INTU: variants seen among roughly 807,000 people sequenced by gnomAD.
The protein encoded by INTU is inturned planar cell polarity protein, also known as protein inturned.
INTU carries 68 observed loss-of-function variants against 100.5 expected under a neutral mutation model. That is an observed-to-expected ratio of 0.68 (90% CI 0.56 to 0.83). The LOEUF (loss-of-function observed/expected upper bound fraction) is 0.83. Ranked by LOEUF, INTU falls within the 40% of genes least tolerant of loss-of-function variation. The probability of loss-of-function intolerance (pLI) is 0.00; values close to 1 mark genes in which losing one functional copy is unlikely to be tolerated. For synonymous variants in INTU, 357 were observed against 395.7 expected (o/e 0.90, Z 1.16); for missense variants, 1,071 against 1,114.7 (o/e 0.96, Z 0.56).
At chr4:127,668,693 A>G (rs1728797429) in intron 4 of INTU, among the ~76,000 whole-genome samples, 1 of 151,784 alleles carries the variant, frequency 6.6e-6, no homozygotes, top group Non-Finnish European at 1.5e-5. Flanking sequence ...GTATTAACAA[A>G]CTATAATAAA....
intron 6 of INTU, among the ~76,000 whole-genome samples, chr4:127,680,238 TC>T (rs1729462689): frequency 6.6e-6 from 1 of 151,990 alleles, no homozygotes; most frequent in Non-Finnish European, 1.5e-5. Context: ...GAGGGAATCC[TC>T]CCTAACTCAT....
At chr4:127,662,522 C>A (rs911232955) in intron 3 of INTU, among the ~76,000 whole-genome samples, 1 of 152,078 alleles carries the variant, frequency 6.6e-6, no homozygotes, top group Non-Finnish European at 1.5e-5. Flanking sequence ...AACGAGTTAT[C>A]TTTGACCAAT....
At chr4:127,704,748 A>G (rs976513672) in intron 10 of INTU, among the ~76,000 whole-genome samples, 1 of 152,192 alleles carries the variant, frequency 6.6e-6, no homozygotes, top group Admixed American at 6.5e-5. Flanking sequence ...AGAGAAGACT[A>G]ATATTTTTCT....
In INTU at chr4:127,716,313, T is replaced by G; in HGVS notation, c.2718-12T>G. 7.4e-7 allele frequency: 1 copy of G among 1,350,246 alleles called. No individual in the cohort carries two copies. The highest frequency in any genetic ancestry group is 1.4e-5 in the South Asian group (1 of 72,522). 83.6% of individuals were successfully genotyped at this position (1,350,246 alleles called of 1,614,324 possible). A position where few individuals can be genotyped will look rare whatever the true frequency, so the allele number is the denominator to read the frequency against. On this transcript the variant is annotated splice_polypyrimidine_tract_variant and intron_variant, in intron 15 of 15. Coordinates refer to ENST00000335251, the MANE Select transcript of INTU (RefSeq NM_015693.4). ...TTAATTTCTGAAATGAGTGTGTTCT[T>G]TTCTTCTGCAGGAGACTTTTTCTTC...
intron 8 of INTU, among the ~76,000 whole-genome samples, chr4:127,690,043 T>C (rs1317567164): frequency 6.6e-6 from 1 of 152,166 alleles, no homozygotes; most frequent in Non-Finnish European, 1.5e-5. Context: ...ATATAGTCCC[T>C]TCTTTCTGTG....
chr4:127,683,691 A>C (rs2126227153), intron 6 of INTU: 1 of 152,382 alleles, frequency 6.6e-6, no homozygotes, highest in Middle Eastern at 3.4e-3. Context: ...TGATGGCTGC[A>C]GTGAATAGCG....
chr4:127,651,083 A>G (rs1231426173), intron 2 of INTU, among the ~76,000 whole-genome samples: 8 of 151,486 alleles, frequency 5.3e-5, no homozygotes, highest in Admixed American at 5.3e-4. Context: ...TTTTCTTGTA[A>G]ATTTGTTTGA....
chr4:127,701,698 C>T (rs960856341), intron 9 of INTU, among the ~76,000 whole-genome samples: 2 of 151,168 alleles, frequency 1.3e-5, no homozygotes, highest in African/African-American at 4.8e-5. Context: ...CATAGTTAAA[C>T]CTGGGTGATG....
chr4:127,688,323 G>C (rs892472271), intron 8 of INTU, among the ~76,000 whole-genome samples: 3 of 152,054 alleles, frequency 2.0e-5, no homozygotes, highest in Non-Finnish European at 4.4e-5. Flanking sequence ...CTTTTGGCTT[G>C]TCCCATGGAT....
intron 5 of INTU, among the ~76,000 whole-genome samples, chr4:127,670,415 A>G (rs1294416602): frequency 6.6e-6 from 1 of 151,978 alleles, no homozygotes; most frequent in Non-Finnish European, 1.5e-5. Flanking sequence ...AGTCATGTTT[A>G]ACTATGTGAC....
chr4:127,665,852 C>A lies in INTU; in HGVS notation c.972+2268C>A, dbSNP rs183325631. Among the ~76,000 whole-genome samples the A allele has an allele frequency of 2.8e-4, 43 of 152,244 alleles. No individual in the cohort carries two copies. In the East Asian group the frequency reaches 7.2e-3, roughly 25 times the overall value. ...GGTAGAATTAGTCACATGGTCTATC[C>A]ATATGCAAGGAAGTAAGAAATGTAG... On this transcript the variant is annotated intron_variant, in intron 4 of 15. Coordinates refer to ENST00000335251, the MANE Select transcript of INTU (RefSeq NM_015693.4).
chr4:127,668,829 TCTAA>T (rs1728803309), intron 4 of INTU, among the ~76,000 whole-genome samples: 1 of 151,892 alleles, frequency 6.6e-6, no homozygotes, highest in African/African-American at 2.4e-5. Context: ...TTCGGCAGTC[TCTAA>T]CTTATTTTCA....
At position 127,656,647 on chromosome 4, in the gene INTU, G is replaced by T. The variant is rs773053429; in HGVS notation, c.694G>T (p.Val232Phe). 10 of 1,609,192 alleles carry T rather than the reference G, an allele frequency of 6.2e-6. No individual in the cohort carries two copies. The highest frequency in any genetic ancestry group is 3.4e-6 in the Non-Finnish European group (4 of 1,176,196). The change falls in exon 3 of 16, where the codon GTT (valine) becomes TTT (phenylalanine). Residue 232 changes from valine (V) to phenylalanine (F), a missense_variant. By Grantham distance (50) the Val-to-Phe change is conservative. Coordinates refer to ENST00000335251, the MANE Select transcript of INTU (RefSeq NM_015693.4). ...SGQVLIGDVL[V>F]AVNDVDVTTE... ...TATTCTGGTTTCAGGTGATGTCCTT[G>T]TTGCTGTGAATGATGTCGATGTTAC...
At chr4:127,654,862 A>G (rs1320961917) in intron 2 of INTU, among the ~76,000 whole-genome samples, 2 of 144,530 alleles carry the variant, frequency 1.4e-5, no homozygotes, top group African/African-American at 2.6e-5. Flanking sequence ...AGGTACACCA[A>G]TCAGACGTAG....
At chr4:127,693,278 T>A (rs893653111) in intron 8 of INTU, among the ~76,000 whole-genome samples, 6 of 152,170 alleles carry the variant, frequency 3.9e-5, no homozygotes, top group African/African-American at 1.4e-4. Flanking sequence ...GTAGTTTTCT[T>A]TGTAGAGGTC....
intron 4 of INTU, 122 bp downstream of exon 4, chr4:127,663,706 A>G: frequency 1.5e-6 from 1 of 677,558 alleles, no homozygotes; most frequent in East Asian, 2.7e-5. Flanking sequence ...AGAGACAAAA[A>G]TGAATTAACT....
intron 3 of INTU, among the ~76,000 whole-genome samples, chr4:127,661,019 CATGTAAGCTTTTAAA>C (rs1728452397): frequency 6.6e-6 from 1 of 152,156 alleles, no homozygotes; most frequent in Non-Finnish European, 1.5e-5. Flanking sequence ...AGCTACTTAA[CATGTAAGCTTTTAAA>C]AATGTCTTTT....
chr4:127,641,300 A>G (rs1727322945), intron 1 of INTU, among the ~76,000 whole-genome samples: 1 of 152,050 alleles, frequency 6.6e-6, no homozygotes, highest in South Asian at 2.1e-4. Flanking sequence ...ACAAAAGCCA[A>G]ACCCCTTAGG....
At chr4:127,714,182 A>G (rs907506642) in intron 15 of INTU, 89 bp downstream of exon 15, 2 of 1,116,696 alleles carry the variant, frequency 1.8e-6, no homozygotes, top group Admixed American at 2.5e-5. Context: ...AAATGTAAGC[A>G]TGGAATTTTT....
Sources: gnomAD v4.1 joint callset for allele counts (sites outside exome capture counted in the v4.1 genomes callset) on GRCh38, gnomAD v4.1.1 for gene constraint, MANE v1.5 for transcripts, NCBI Gene and HGNC (gene_info 2026-07-23, HGNC 2026-07-21) for gene names.